Variants in FGF14 observed in about 807,000 individuals in gnomAD.
FGF14 encodes the protein fibroblast growth factor 14.
A neutral mutation model predicts 25.5 loss-of-function variants in FGF14; 5 were observed. That is an observed-to-expected ratio of 0.20 (90% CI 0.10 to 0.41). The LOEUF (loss-of-function observed/expected upper bound fraction) is 0.41. Ranked by LOEUF, FGF14 falls within the 10% of genes least tolerant of loss-of-function variation. The pLI is 1.00. For missense variants in FGF14, 222 were observed against 320.1 expected, an observed-to-expected ratio of 0.69 and a Z score of 2.34; for synonymous variants, 138 against 118.3, an observed-to-expected ratio of 1.17 and a Z score of -1.08.
chr13:101,994,268 T>C (rs1432994618), intron 1 of FGF14, among the ~76,000 whole-genome samples: 1 of 152,010 alleles, frequency 6.6e-6, no homozygotes, highest in East Asian at 1.9e-4. Flanking sequence ...ACATGTTCAA[T>C]ACATGATAAA....
At chr13:101,851,329 G>A (rs1484404315) in intron 3 of FGF14, among the ~76,000 whole-genome samples, 1 of 151,958 alleles carries the variant, frequency 6.6e-6, no homozygotes, top group Non-Finnish European at 1.5e-5. Context: ...CTCAGCATGG[G>A]AGAAGTATGG....
intron 1 of FGF14, among the ~76,000 whole-genome samples, chr13:102,169,772 T>A (rs2048171614): frequency 6.6e-6 from 1 of 152,110 alleles, no homozygotes; most frequent in Admixed American, 6.6e-5. Context: ...GAATTCAGTC[T>A]CCACGTGGAA....
At chr13:101,908,817 A>C (rs1357164822) in intron 1 of FGF14, among the ~76,000 whole-genome samples, 1 of 152,252 alleles carries the variant, frequency 6.6e-6, no homozygotes, top group East Asian at 1.9e-4. Flanking sequence ...AGCTGGAGGC[A>C]TCATGCTACC....
At chr13:101,928,750 C>T (rs1482441414) in intron 1 of FGF14, among the ~76,000 whole-genome samples, 1 of 152,160 alleles carries the variant, frequency 6.6e-6, no homozygotes, top group East Asian at 1.9e-4. Flanking sequence ...TGTGCCAGGA[C>T]CTCTCCATCA....
chr13:102,163,060 C>A (rs7321762), intron 1 of FGF14, among the ~76,000 whole-genome samples: 1 of 152,118 alleles, frequency 6.6e-6, no homozygotes, highest in Non-Finnish European at 1.5e-5. Context: ...GGGATTCATA[C>A]GTTTCCTCAA....
intron 3 of FGF14, among the ~76,000 whole-genome samples, chr13:101,754,124 T>A (rs1205745536): frequency 6.6e-6 from 1 of 152,172 alleles, no homozygotes; most frequent in Non-Finnish European, 1.5e-5. Flanking sequence ...TCTTCCTAGT[T>A]TGGAGTTGGA....
intron 1 of FGF14, among the ~76,000 whole-genome samples, chr13:102,328,340 G>T (rs188705117): frequency 6.6e-6 from 1 of 152,236 alleles, no homozygotes; most frequent in African/African-American, 2.4e-5. Context: ...TTCTTTGCAA[G>T]TGGCTATAAA....
intron 1 of FGF14, among the ~76,000 whole-genome samples, chr13:101,978,293 T>G (rs1227580352): frequency 6.6e-6 from 1 of 152,190 alleles, no homozygotes. Context: ...TGCAGAATGG[T>G]GATATTTGAT....
chr13:102,319,293 T>C (rs963336260), intron 1 of FGF14, among the ~76,000 whole-genome samples: 3 of 152,206 alleles, frequency 2.0e-5, no homozygotes, highest in Non-Finnish European at 2.9e-5. Context: ...GATGCATGAA[T>C]CCATGTCTAA....
At chr13:101,847,370 C>G (rs573590682) in intron 3 of FGF14, among the ~76,000 whole-genome samples, 1 of 152,120 alleles carries the variant, frequency 6.6e-6, no homozygotes, top group African/African-American at 2.4e-5. Flanking sequence ...GTCTGCCTCT[C>G]TTATATGAGC....
intron 1 of FGF14, among the ~76,000 whole-genome samples, chr13:102,261,480 T>C (rs1418925392): frequency 6.6e-6 from 1 of 152,236 alleles, no homozygotes; most frequent in Non-Finnish European, 1.5e-5. Flanking sequence ...GTTCCCAAGA[T>C]GTCACTATGT....
intron 1 of FGF14, among the ~76,000 whole-genome samples, chr13:102,041,599 G>T (rs998132770): frequency 2.9e-5 from 4 of 136,450 alleles, no homozygotes; most frequent in African/African-American, 1.2e-4. Flanking sequence ...AAAAAAAAGA[G>T]AGATTTTATT....
intron 4 of FGF14, among the ~76,000 whole-genome samples, chr13:101,725,467 T>C (rs954299982): frequency 4.6e-5 from 7 of 151,924 alleles, no homozygotes; most frequent in Non-Finnish European, 8.8e-5. Context: ...TAATTAAGAG[T>C]GACACTAAGT....
intron 1 of FGF14, among the ~76,000 whole-genome samples, chr13:102,391,481 T>C (rs1379430086): frequency 6.6e-6 from 1 of 152,224 alleles, no homozygotes; most frequent in African/African-American, 2.4e-5. Context: ...GCAATAATGA[T>C]GTAAAATTTT....
intron 1 of FGF14, among the ~76,000 whole-genome samples, chr13:101,894,257 G>A (rs1594635602): frequency 1.3e-5 from 2 of 152,138 alleles, no homozygotes; most frequent in South Asian, 4.1e-4. Context: ...ATAGAAAAAT[G>A]AAAATGGTTA....
At chr13:102,148,607 G>A (rs1056601730) in intron 1 of FGF14, among the ~76,000 whole-genome samples, 4 of 152,048 alleles carry the variant, frequency 2.6e-5, no homozygotes, top group Admixed American at 6.6e-5. Flanking sequence ...TCAGTAGCTC[G>A]CGACCAGCCT....
At chr13:102,254,256 C>A (rs1164258786) in intron 1 of FGF14, among the ~76,000 whole-genome samples, 2 of 152,150 alleles carry the variant, frequency 1.3e-5, no homozygotes, top group Non-Finnish European at 2.9e-5. Flanking sequence ...GCTTATGGCA[C>A]AAACTCACAA....
At chr13:102,111,551 C>CA (rs1056812561) in intron 1 of FGF14, among the ~76,000 whole-genome samples, 2 of 151,776 alleles carry the variant, frequency 1.3e-5, no homozygotes, top group South Asian at 2.1e-4. Context: ...CCTGTCTCTA[C>CA]AAAAAAATAC....
intron 1 of FGF14, chr13:102,292,728 G>C (rs1209662728): frequency 6.6e-6 from 1 of 152,186 alleles, no homozygotes; most frequent in Non-Finnish European, 1.5e-5. Flanking sequence ...TTAAAATATG[G>C]AGCCACCCCA....
Sources: allele counts gnomAD v4.1 joint callset (sites outside exome capture counted in the v4.1 genomes callset), GRCh38; gene constraint gnomAD v4.1.1; transcripts MANE v1.5; gene names NCBI Gene and HGNC (gene_info 2026-07-23, HGNC 2026-07-21).